BRWD1: variants seen among roughly 807,000 people sequenced by gnomAD.
The protein encoded by BRWD1 is bromodomain and WD repeat-containing protein 1.
BRWD1 carries 82 observed loss-of-function variants against 251.2 expected under a neutral mutation model. That is an observed-to-expected ratio of 0.33 (90% CI 0.27 to 0.39). The LOEUF (loss-of-function observed/expected upper bound fraction) is 0.39, where lower values mean the gene tolerates loss of function less well. Among genes scored for constraint, BRWD1 ranks in the 10% least tolerant of loss-of-function variants. BRWD1 has a pLI of 1.00. For synonymous variants in BRWD1, 918 were observed against 902.8 expected (o/e 1.02, Z -0.30); for missense variants, 2,233 against 2,711.6 (o/e 0.82, Z 3.92).
At chr21:39,300,715 T>C (rs1174302673) in intron 4 of BRWD1, among the ~76,000 whole-genome samples, 1 of 152,076 alleles carries the variant, frequency 6.6e-6, no homozygotes, top group Non-Finnish European at 1.5e-5. Flanking sequence ...ACAACAAAGC[T>C]AGATATATGA....
Position 39,268,364 on chromosome 21 carries a change from C to G in BRWD1, c.1530+1535G>C, listed in dbSNP as rs576751263. Among the ~76,000 whole-genome samples, 7 of 151,236 alleles carry G rather than the reference C, an allele frequency of 4.6e-5. No individual in the cohort carries two copies. The South Asian group carries it at 1.5e-3, about 32-fold the overall frequency. On this transcript the variant is annotated intron_variant, in intron 15 of 40. Coordinates refer to ENST00000342449, the MANE Select transcript of BRWD1 (RefSeq NM_033656.4). ...GCTGAGGCAGCAGAATCACTTGAAC[C>G]CAGGAGGCGGAGGTCGCAGCGACCC...
intron 7 of BRWD1, 48 bp from the exon 8 acceptor site, chr21:39,294,080 TA>T: frequency 5.4e-6 from 8 of 1,479,512 alleles, no homozygotes; most frequent in African/African-American, 1.4e-5. Flanking sequence ...GCAAATCTTT[TA>T]AATATTAAAA....
chr21:39,260,865 A>G (rs1262333954), intron 17 of BRWD1, among the ~76,000 whole-genome samples: 2 of 152,220 alleles, frequency 1.3e-5, no homozygotes, highest in African/African-American at 2.4e-5. Context: ...ATATCAGAGG[A>G]GAGTGAACTG....
At chr21:39,184,495 T>G (rs372153694), downstream of BRWD1, 3 of 152,338 alleles carry the variant, frequency 2.0e-5, no homozygotes, top group East Asian at 5.8e-4. Context: ...TTTCCTAGAT[T>G]TAGTTGTACC....
intron 11 of BRWD1, 88 bp from the exon 12 acceptor site, chr21:39,276,301 T>C: frequency 8.0e-7 from 1 of 1,246,546 alleles, no homozygotes. Flanking sequence ...TAGAAGCCTA[T>C]TTGCTTTAAC....
At chr21:39,234,350 CT>C in intron 23 of BRWD1, among the ~76,000 whole-genome samples, 1 of 152,134 alleles carries the variant, frequency 6.6e-6, no homozygotes, top group Non-Finnish European at 1.5e-5. Context: ...GATTTAGAAT[CT>C]TTTTTACTGT....
chr21:39,236,701 C>A lies in BRWD1; in HGVS notation c.2660G>T (p.Arg887Leu), dbSNP rs752034028. 9 of 1,613,870 alleles carry A rather than the reference C, an allele frequency of 5.6e-6. No homozygotes were observed. Among genetic ancestry groups the A allele is most frequent in the Non-Finnish European group, 7.6e-6 (9 of 1,179,972 alleles). Reference sequence around the variant, plus strand: ...TGAACTACTACAAAATCGAGTAATTCGTCGACGACATGATGTTCTTAAAGG... The same window carrying A: ...TGAACTACTACAAAATCGAGTAATTAGTCGACGACATGATGTTCTTAAAGG... ...QPPLRTSCRR[R>L]ITRFCSSSED... is the part of the protein sequence containing the mutation. Residue 887 changes from arginine to leucine, a missense_variant, in exon 23 of 41, where the codon CGA becomes CTA. This residue lies in a region of BRWD1 where 214 missense variants were observed against 222.0 expected (regional missense o/e 0.96). Coordinates refer to ENST00000342449, the MANE Select transcript of BRWD1 (RefSeq NM_033656.4).
At chr21:39,222,899 A>G (rs1601316313) in intron 29 of BRWD1, among the ~76,000 whole-genome samples, 1 of 152,306 alleles carries the variant, frequency 6.6e-6, no homozygotes, top group African/African-American at 2.4e-5. Context: ...TTAAAATCCT[A>G]AAATAATTGC....
intron 8 of BRWD1, among the ~76,000 whole-genome samples, chr21:39,289,293 G>C (rs911971353): frequency 1.3e-5 from 2 of 152,120 alleles, no homozygotes; most frequent in African/African-American, 4.8e-5. Flanking sequence ...AAAGTCTAAT[G>C]TAAATTTGTA....
chr21:39,294,522 G>T (rs1018973785), intron 7 of BRWD1, among the ~76,000 whole-genome samples: 1 of 152,160 alleles, frequency 6.6e-6, no homozygotes, highest in Non-Finnish European at 1.5e-5. Flanking sequence ...GGGCGTGGTG[G>T]CTGGCACCTG....
At chr21:39,312,683 A>T (rs2036531790) in intron 4 of BRWD1, 158 bp downstream of exon 4, 1 of 454,326 alleles carries the variant, frequency 2.2e-6, no homozygotes, top group Non-Finnish European at 4.0e-6. Context: ...CCTCAAAAAC[A>T]AAACAAAATC....
At position 39,192,519 on chromosome 21, in the gene BRWD1, A is replaced by C; in HGVS notation, c.*3740T>G. 2 of 984,640 alleles carry C rather than the reference A, an allele frequency of 2.0e-6. No individual in the cohort carries two copies. Among genetic ancestry groups the C allele is most frequent in the South Asian group, 9.4e-5 (2 of 21,286 alleles). The allele number at this position is 984,640 out of a possible 1,614,324, so 61.0% of individuals were successfully genotyped here. A position where few individuals can be genotyped will look rare whatever the true frequency, so the allele number is the denominator to read the frequency against. On this transcript the variant is annotated 3_prime_UTR_variant, in exon 41 of 41. Transcript: ENST00000342449. ...TCAACATTAACAGGTGAAAAGTTCT[A>C]CAATGACTTGTTGCACTCTATCACA...
At chr21:39,227,443 C>A (rs984365916) in intron 27 of BRWD1, among the ~76,000 whole-genome samples, 4 of 151,928 alleles carry the variant, frequency 2.6e-5, no homozygotes, top group Admixed American at 6.6e-5. Context: ...GTCATTCAAT[C>A]ATCAATTATA....
intron 20 of BRWD1, among the ~76,000 whole-genome samples, chr21:39,248,660 A>T (rs75147702): frequency 1.5e-5 from 2 of 130,292 alleles, no homozygotes; most frequent in Non-Finnish European, 3.1e-5. Context: ...AAAAAAAAAA[A>T]AAAAAAAAAA....
intron 18 of BRWD1, 117 bp from the exon 19 acceptor site, chr21:39,255,945 A>G (rs2034549858): frequency 2.2e-6 from 2 of 913,428 alleles, no homozygotes; most frequent in African/African-American, 3.4e-5. Context: ...CTAAGAGAAG[A>G]TAGTATCTAC....
intron 23 of BRWD1, 95 bp from the exon 24 acceptor site, chr21:39,232,593 G>T: frequency 7.0e-7 from 1 of 1,421,580 alleles, no homozygotes; most frequent in East Asian, 2.4e-5. Flanking sequence ...CATTCAGAAT[G>T]ACTATTTTTG....
In BRWD1 at chr21:39,187,077, T is replaced by C. The variant is rs1601206970; in HGVS notation, c.*9182A>G. The stretch of plus-strand genomic sequence containing the variant: ...TGAACCCCCTTAAAAAAAGCATTTT[T>C]CTATTAATATCTTCTAGCTCTTTTT... On this transcript the variant is annotated 3_prime_UTR_variant, in exon 41 of 41. Coordinates refer to ENST00000342449, the MANE Select transcript of BRWD1 (RefSeq NM_033656.4). 7 of 1,593,456 alleles carry C rather than the reference T, an allele frequency of 4.4e-6. No homozygotes were observed. The highest frequency in any genetic ancestry group is 6.0e-6 in the Non-Finnish European group (7 of 1,174,480).
At chr21:39,286,159 C>T (rs924241587) in intron 8 of BRWD1, among the ~76,000 whole-genome samples, 3 of 151,900 alleles carry the variant, frequency 2.0e-5, no homozygotes, top group Non-Finnish European at 4.4e-5. Flanking sequence ...GGACTACAGG[C>T]GCTGGCCACC....
chr21:39,282,603 C>T (rs921897681), intron 8 of BRWD1, among the ~76,000 whole-genome samples: 6 of 151,980 alleles, frequency 3.9e-5, no homozygotes, highest in Admixed American at 1.3e-4. Flanking sequence ...GCTAATTGGA[C>T]AAAAAAATTT....
Sources: allele counts gnomAD v4.1 joint callset (sites outside exome capture counted in the v4.1 genomes callset), GRCh38; gene constraint gnomAD v4.1.1; regional missense constraint gnomAD v4.1.1; transcripts MANE v1.5; gene names NCBI Gene and HGNC (gene_info 2026-07-23, HGNC 2026-07-21).